GRID1: variants seen among roughly 807,000 people sequenced by gnomAD.
GRID1 encodes glutamate ionotropic receptor delta type subunit 1.
In GRID1, 28 loss-of-function variants were observed where a neutral mutation model predicts 98.0. The observed-to-expected ratio is 0.29, with a 90% CI of 0.21 to 0.39. The LOEUF is 0.39. Among genes scored for constraint, GRID1 ranks in the 10% least tolerant of loss-of-function variants. The pLI, the probability that GRID1 is intolerant of heterozygous loss-of-function variation, is 1.00. For synonymous variants in GRID1, 553 were observed against 538.5 expected (o/e 1.03, Z -0.37); for missense variants, 1,111 against 1,340.5 (o/e 0.83, Z 2.67).
At chr10:85,923,119 C>G (rs768271028) in intron 4 of GRID1, among the ~76,000 whole-genome samples, 7 of 110,804 alleles carry the variant, frequency 6.3e-5, no homozygotes, top group Non-Finnish European at 9.3e-5. Flanking sequence ...CCAAGCCTTT[C>G]CCAGGAGCCA....
intron 12 of GRID1, among the ~76,000 whole-genome samples, chr10:85,668,937 G>A (rs920973160): frequency 6.6e-5 from 10 of 152,200 alleles, no homozygotes; most frequent in Non-Finnish European, 1.5e-4. Context: ...ATCACAGGAA[G>A]ACAGAGAGAA....
chr10:86,153,329 C>A (rs571266551), intron 3 of GRID1, among the ~76,000 whole-genome samples: 1 of 152,304 alleles, frequency 6.6e-6, no homozygotes, highest in Non-Finnish European at 1.5e-5. Flanking sequence ...CTTGCCAGAG[C>A]CTATTGTTAA....
chr10:85,616,452 G>A (rs761021442), intron 14 of GRID1, among the ~76,000 whole-genome samples: 5 of 152,170 alleles, frequency 3.3e-5, no homozygotes, highest in African/African-American at 9.7e-5. Flanking sequence ...CCAGATGGTG[G>A]TTGTGGGGTC....
intron 5 of GRID1, among the ~76,000 whole-genome samples, chr10:85,891,713 C>T (rs975411169): frequency 3.3e-5 from 5 of 152,058 alleles, no homozygotes; most frequent in African/African-American, 1.2e-4. Context: ...AGTCTTGAAA[C>T]ATCAAAATAT....
At chr10:85,635,050 A>T (rs1843021800) in intron 13 of GRID1, among the ~76,000 whole-genome samples, 1 of 148,286 alleles carries the variant, frequency 6.7e-6, no homozygotes. Context: ...ATTTAAGAGA[A>T]GTCAACATCC....
rs2066681789 is a variant in GRID1, at chr10:86,206,527, G to T, written c.357C>A (p.Asn119Lys). Residue 119 changes from asparagine (N) to lysine (K), a missense_variant, in exon 3 of 16, where the codon AAC (asparagine) becomes AAA (lysine). Coordinates refer to ENST00000327946, the MANE Select transcript of GRID1 (RefSeq NM_017551.3). This position sits in a 1 kb window ranked among gnomAD's most constrained non-coding sequence, Gnocchi z 4.1. The stretch of plus-strand genomic sequence containing the variant: ...ATGCGGTGCGTGGCGACCCTCCCGG[G>T]TTGCGCTGGACAAAGAGGTGTGGGA... ...MHIPHLFVQR[N>K]PGGSPRTACH... The T allele has an allele frequency of 1.9e-6, 3 of 1,614,120 alleles. No homozygotes were observed. Among genetic ancestry groups the T allele is most frequent in the East Asian group, 4.5e-5 (2 of 44,896 alleles).
At chr10:85,670,874 T>C (rs1229055592) in intron 12 of GRID1, among the ~76,000 whole-genome samples, 2 of 152,164 alleles carry the variant, frequency 1.3e-5, no homozygotes, top group African/African-American at 4.8e-5. Context: ...TCATAGATGG[T>C]TTGCCACTCC....
At chr10:85,816,827 G>C (rs897776900) in intron 8 of GRID1, among the ~76,000 whole-genome samples, 1 of 152,144 alleles carries the variant, frequency 6.6e-6, no homozygotes, top group African/African-American at 2.4e-5. Context: ...GTACCTGATA[G>C]GTATTTTTCT....
chr10:85,665,967 G>A (rs1193014410), intron 12 of GRID1, among the ~76,000 whole-genome samples: 2 of 152,104 alleles, frequency 1.3e-5, no homozygotes, highest in Non-Finnish European at 2.9e-5. Context: ...TGCACAGCTT[G>A]CACAGCTCAC....
chr10:86,324,975 G>A (rs2132098284), intron 2 of GRID1, among the ~76,000 whole-genome samples: 1 of 151,884 alleles, frequency 6.6e-6, no homozygotes, highest in African/African-American at 2.4e-5. Context: ...AAGGAACAGG[G>A]AGAGTTCATT....
At chr10:86,072,205 G>GGTA (rs1224970281) in intron 4 of GRID1, among the ~76,000 whole-genome samples, 1 of 152,156 alleles carries the variant, frequency 6.6e-6, no homozygotes, top group African/African-American at 2.4e-5. Context: ...TCAAGTTTAA[G>GGTA]GTAGTGTCTG....
chr10:85,615,973 C>T (rs367797050), intron 14 of GRID1, among the ~76,000 whole-genome samples: 1 of 152,204 alleles, frequency 6.6e-6, no homozygotes, highest in East Asian at 1.9e-4. Context: ...TCAAATTTAG[C>T]TCTCTCATCA....
At chr10:85,880,422 C>T (rs150962714) in intron 5 of GRID1, among the ~76,000 whole-genome samples, 9,479 of 152,248 alleles carry the variant, frequency 0.062, 511 homozygotes, top group East Asian at 0.17. Flanking sequence ...AGCTTGTCCA[C>T]CATGATCCAG....
intron 4 of GRID1, among the ~76,000 whole-genome samples, chr10:86,117,859 T>G (rs1355328704): frequency 1.3e-5 from 2 of 152,234 alleles, no homozygotes; most frequent in Admixed American, 1.3e-4. Context: ...TTGGTGAGAA[T>G]GTAAACTAGT....
At chr10:86,183,932 G>A (rs559608782) in intron 3 of GRID1, among the ~76,000 whole-genome samples, 2 of 152,296 alleles carry the variant, frequency 1.3e-5, no homozygotes, top group South Asian at 4.1e-4. Context: ...CCTGATGCTT[G>A]GTATAGTCAA....
chr10:85,865,942 T>TATATATATATATACAC (rs1199144734), intron 6 of GRID1, among the ~76,000 whole-genome samples: 1 of 94,876 alleles, frequency 1.1e-5, no homozygotes, highest in African/African-American at 4.0e-5. Context: ...TATATATATA[T>TATATATATATATACAC]ACACATATAT....
At chr10:85,890,864 T>G (rs1841190816) in intron 5 of GRID1, among the ~76,000 whole-genome samples, 1 of 152,192 alleles carries the variant, frequency 6.6e-6, no homozygotes, top group African/African-American at 2.4e-5. Flanking sequence ...CCTCAAAATT[T>G]TTAATATTTT....
chr10:86,069,224 G>A lies in GRID1; in HGVS notation c.726+69595C>T, dbSNP rs530955698. On this transcript the variant is annotated intron_variant, in intron 4 of 15. Transcript: ENST00000327946. Reference sequence around the variant, plus strand: ...GCTGCAAACCTGCCACTGCAGACACGATGATGTAACAGTTGCCAAGGGGAG... The same window carrying A: ...GCTGCAAACCTGCCACTGCAGACACAATGATGTAACAGTTGCCAAGGGGAG... Among the ~76,000 whole-genome samples the A allele has an allele frequency of 8.5e-5, 13 of 152,240 alleles. 1 individual carries two copies. In the South Asian group the frequency reaches 2.7e-3, roughly 32 times the overall value.
At chr10:85,909,858 A>G (rs1428884675) in intron 5 of GRID1, among the ~76,000 whole-genome samples, 1 of 152,222 alleles carries the variant, frequency 6.6e-6, no homozygotes, top group East Asian at 1.9e-4. Flanking sequence ...GGGTATATAC[A>G]TATGCCAAAT....
Sources: gnomAD v4.1 joint callset for allele counts (sites outside exome capture counted in the v4.1 genomes callset) on GRCh38, gnomAD v4.1.1 for gene constraint, Gnocchi (gnomAD v3.1) non-coding constraint, MANE v1.5 for transcripts, NCBI Gene and HGNC (gene_info 2026-07-23, HGNC 2026-07-21) for gene names.